ITGA11: variants seen among roughly 807,000 people sequenced by gnomAD.
ITGA11 encodes the protein integrin subunit alpha 11.
Under a neutral mutation model 141.9 loss-of-function variants are expected in ITGA11, and 97 were observed. That is an observed-to-expected ratio of 0.68 (90% CI 0.58 to 0.81). ITGA11 has a LOEUF of 0.81. Ranked by LOEUF, ITGA11 falls within the 30% of genes least tolerant of loss-of-function variation. The pLI, the probability that ITGA11 is intolerant of heterozygous loss-of-function variation, is 0.00. For missense variants in ITGA11, 1,387 were observed against 1,559.2 expected (o/e 0.89, Z 1.86); for synonymous variants, 658 against 624.6 (o/e 1.05, Z -0.80).
intron 1 of ITGA11, among the ~76,000 whole-genome samples, chr15:68,431,369 G>A (rs1897267140): frequency 6.6e-6 from 1 of 152,232 alleles, no homozygotes; most frequent in Non-Finnish European, 1.5e-5. Context: ...TACCCCGGGT[G>A]TCAGGTAACG....
At chr15:68,351,589 G>T (rs994183113) in intron 7 of ITGA11, among the ~76,000 whole-genome samples, 187 bp from the exon 8 acceptor site, 6 of 152,346 alleles carry the variant, frequency 3.9e-5, no homozygotes, top group African/African-American at 1.4e-4. Context: ...TTCACCAGCT[G>T]CTCAGAGGGT....
At chr15:68,373,369 C>A (rs1344215282) in intron 2 of ITGA11, among the ~76,000 whole-genome samples, 2 of 152,190 alleles carry the variant, frequency 1.3e-5, no homozygotes, top group East Asian at 1.9e-4. Context: ...GCAGCAGGAG[C>A]AACTGTGGGG....
At chr15:68,320,537 A>C in intron 19 of ITGA11, 145 bp from the exon 20 acceptor site, 1 of 639,334 alleles carries the variant, frequency 1.6e-6, no homozygotes, top group Non-Finnish European at 2.7e-6. Flanking sequence ...GGAGAGTGGA[A>C]ATGGATGGCA....
Position 68,305,776 on chromosome 15 carries a change from T to C in ITGA11, c.3381+1572A>G, listed in dbSNP as rs1173407429. The stretch of plus-strand genomic sequence containing the variant: ...GGGCCAGCAAATGGCAGGGCCCTTA[T>C]GTGTGCTCTTTCTGTCCCTCAAGGC... On this transcript the variant is annotated intron_variant, in intron 28 of 29. Coordinates refer to ENST00000315757, the MANE Select transcript of ITGA11 (RefSeq NM_001004439.2). This position sits in a 1 kb window ranked among gnomAD's most constrained non-coding sequence, Gnocchi z 4.6. Among the ~76,000 whole-genome samples the C allele has an allele frequency of 6.6e-6, 1 of 152,224 alleles. No homozygotes were observed. Among genetic ancestry groups the C allele is most frequent in the Non-Finnish European group, 1.5e-5 (1 of 68,032 alleles).
At chr15:68,417,137 C>T (rs1896907563) in intron 1 of ITGA11, among the ~76,000 whole-genome samples, 1 of 152,094 alleles carries the variant, frequency 6.6e-6, no homozygotes, top group Admixed American at 6.5e-5. Context: ...CCAGCCCAGG[C>T]CTGCCCTTTG....
intron 2 of ITGA11, among the ~76,000 whole-genome samples, chr15:68,372,457 C>T (rs564613164): frequency 6.6e-6 from 1 of 152,340 alleles, no homozygotes; most frequent in South Asian, 2.1e-4. Flanking sequence ...AAGGTCGTGG[C>T]GAGCATCCGG....
At chr15:68,381,818 A>T (rs1036844861) in intron 2 of ITGA11, among the ~76,000 whole-genome samples, 1 of 152,180 alleles carries the variant, frequency 6.6e-6, no homozygotes, top group South Asian at 2.1e-4. Flanking sequence ...GGCCTCCCAA[A>T]GTGCTGGGAT....
chr15:68,375,068 T>C (rs80247223), intron 2 of ITGA11, among the ~76,000 whole-genome samples: 3,708 of 152,194 alleles, frequency 0.024, 134 homozygotes, highest in African/African-American at 0.082. Context: ...TGTGAAGAAG[T>C]GGAAGGCTCA....
intron 26 of ITGA11, among the ~76,000 whole-genome samples, chr15:68,310,352 C>A (rs916413362): frequency 7.2e-5 from 11 of 152,208 alleles, no homozygotes; most frequent in Admixed American, 4.6e-4. Flanking sequence ...TGGCAAAGCC[C>A]ACTACCCTCA....
chr15:68,365,330 C>T (rs1308031825), intron 3 of ITGA11: 3 of 985,324 alleles, frequency 3.0e-6, no homozygotes, highest in East Asian at 2.3e-4. Flanking sequence ...GAGAGCCTTC[C>T]AGAGCTGCCA....
chr15:68,409,028 TG>T (rs774558702), intron 1 of ITGA11, among the ~76,000 whole-genome samples: 2 of 152,240 alleles, frequency 1.3e-5, no homozygotes, highest in Non-Finnish European at 2.9e-5. Flanking sequence ...TGGCACTGCC[TG>T]GTGCAGGAAA....
Position 68,308,761 on chromosome 15 carries a change from G to GAAAAGAAAAGAAAAGA in ITGA11, c.3175-1066_3175-1065insTCTTTTCTTTTCTTTT, listed in dbSNP as rs111776164. On this transcript the variant is annotated intron_variant, in intron 26 of 29. Transcript: ENST00000315757. The surrounding 1 kb of genome is among the most constrained non-coding windows in gnomAD (Gnocchi z 5.2). The stretch of plus-strand genomic sequence containing the variant: ...TGTCTCAAAAGAAAAGAAAAGAAAA[G>GAAAAGAAAAGAAAAGA]AAAGAAAAGAAAAGAAAAGAAAAGG... 0.071 allele frequency among the ~76,000 whole-genome samples: 9,812 copies of GAAAAGAAAAGAAAAGA among 137,702 alleles called. 556 individuals carry two copies. The highest frequency in any genetic ancestry group is 0.078 in the Non-Finnish European group (5,075 of 64,798). The allele number at this position is 137,702 out of a possible 152,430, so 90.3% of individuals were successfully genotyped here.
At chr15:68,352,384 G>T (rs1326822206) in intron 7 of ITGA11, among the ~76,000 whole-genome samples, 3 of 151,928 alleles carry the variant, frequency 2.0e-5, no homozygotes, top group African/African-American at 7.2e-5. Context: ...ATAGAGACGG[G>T]GTTTTGCCAT....
intron 11 of ITGA11, among the ~76,000 whole-genome samples, chr15:68,336,448 C>T (rs1894361496): frequency 6.6e-6 from 1 of 152,158 alleles, no homozygotes; most frequent in African/African-American, 2.4e-5. Context: ...CTCTTGTCAG[C>T]CCCATACATA....
chr15:68,348,030 C>T (rs879406058), intron 10 of ITGA11, among the ~76,000 whole-genome samples: 13 of 152,324 alleles, frequency 8.5e-5, no homozygotes, highest in Admixed American at 5.2e-4. Context: ...GCAGTCGGTA[C>T]GTTTTCCCAC....
In ITGA11 at chr15:68,382,233, C is replaced by G. The variant is rs369308974; in HGVS notation, c.165-12949G>C. Among the ~76,000 whole-genome samples, 3 of 152,266 alleles carry G rather than the reference C, an allele frequency of 2.0e-5. No homozygotes were observed. In the East Asian group the frequency reaches 5.8e-4, roughly 29 times the overall value. On this transcript the variant is annotated intron_variant, in intron 2 of 29. Transcript: ENST00000315757. Reference sequence around the variant, plus strand: ...GTCATTACATTTTTGGAAATGTCCTCCTCCTGGGTTATAAAATCATTGGCT... The same window carrying G: ...GTCATTACATTTTTGGAAATGTCCTGCTCCTGGGTTATAAAATCATTGGCT...
intron 2 of ITGA11, among the ~76,000 whole-genome samples, chr15:68,390,298 G>A (rs1322230159): frequency 1.3e-5 from 2 of 152,102 alleles, no homozygotes; most frequent in African/African-American, 2.4e-5. Context: ...TGTTTACTGC[G>A]GGCCCTTGAC....
At chr15:68,406,698 A>C (rs985001708) in intron 1 of ITGA11, among the ~76,000 whole-genome samples, 6 of 152,162 alleles carry the variant, frequency 3.9e-5, no homozygotes, top group African/African-American at 1.4e-4. Context: ...CTCTATCCTC[A>C]GTGCCTTGAA....
chr15:68,347,921 TACACACACAC>T (rs59472483), intron 10 of ITGA11, among the ~76,000 whole-genome samples: 564 of 151,082 alleles, frequency 3.7e-3, no homozygotes, highest in Non-Finnish European at 4.9e-3. Context: ...AGAACACACA[TACACACACAC>T]ACACACACAC....
Sources: gnomAD v4.1 joint callset for allele counts (sites outside exome capture counted in the v4.1 genomes callset) on GRCh38, gnomAD v4.1.1 for gene constraint, Gnocchi (gnomAD v3.1) non-coding constraint, MANE v1.5 for transcripts, NCBI Gene and HGNC (gene_info 2026-07-23, HGNC 2026-07-21) for gene names.